The following SLC41A2 variants were observed in gnomAD, a reference collection of about 807,000 sequenced individuals.
SLC41A2 encodes SLC41A1-like 1.
A neutral mutation model predicts 58.3 loss-of-function variants in SLC41A2; 32 were observed. The ratio of observed to expected loss-of-function variants is 0.55; its 90% CI spans 0.41 to 0.74. The LOEUF is 0.74. SLC41A2 is among the 30% of genes least tolerant of loss of function. The pLI is 0.00. For missense variants in SLC41A2, 514 were observed against 680.6 expected, an observed-to-expected ratio of 0.76 and a Z score of 2.72; for synonymous variants, 190 against 235.0, an observed-to-expected ratio of 0.81 and a Z score of 1.75.
intron 2 of SLC41A2, among the ~76,000 whole-genome samples, chr12:104,911,898 G>T (rs906902841): frequency 6.6e-6 from 1 of 152,008 alleles, no homozygotes; most frequent in South Asian, 2.1e-4. Flanking sequence ...TTTTATGATG[G>T]GCTAACAATT....
intron 1 of SLC41A2, among the ~76,000 whole-genome samples, chr12:104,935,684 T>C (rs1391598579): frequency 2.0e-5 from 3 of 152,158 alleles, no homozygotes; most frequent in Admixed American, 6.6e-5. Flanking sequence ...CCTAACAACA[T>C]TGTGGTCAAG....
At chr12:104,840,973 C>A (rs1166785337) in intron 10 of SLC41A2, among the ~76,000 whole-genome samples, 2 of 152,018 alleles carry the variant, frequency 1.3e-5, no homozygotes, top group Non-Finnish European at 2.9e-5. Context: ...AAAAAAAAAT[C>A]TTATACTAAC....
intron 8 of SLC41A2, among the ~76,000 whole-genome samples, chr12:104,846,209 A>G (rs1565835990): frequency 6.6e-6 from 1 of 152,200 alleles, no homozygotes; most frequent in Non-Finnish European, 1.5e-5. Context: ...AGCAGACCAG[A>G]GCAGGTAATT....
intron 8 of SLC41A2, among the ~76,000 whole-genome samples, chr12:104,858,624 T>C (rs2043101551): frequency 6.6e-6 from 1 of 152,206 alleles, no homozygotes; most frequent in Non-Finnish European, 1.5e-5. Context: ...TCTCTATTAA[T>C]GTTTTTTAAA....
chr12:104,882,964 T>C (rs201132369), intron 6 of SLC41A2, among the ~76,000 whole-genome samples: 8,065 of 151,660 alleles, frequency 0.053, 282 homozygotes, highest in East Asian at 0.1. Flanking sequence ...ACCAATCAAA[T>C]GTAGATTTGG....
At chr12:104,943,895 T>G (rs1010424889) in intron 1 of SLC41A2, among the ~76,000 whole-genome samples, 4 of 152,038 alleles carry the variant, frequency 2.6e-5, no homozygotes, top group Non-Finnish European at 5.9e-5. Context: ...GGCAAAGAAA[T>G]AGCCAATCAT....
intron 8 of SLC41A2, among the ~76,000 whole-genome samples, chr12:104,854,581 A>C (rs893528633): frequency 1.3e-5 from 2 of 151,546 alleles, no homozygotes; most frequent in South Asian, 4.2e-4. Context: ...AAAAAAAAAA[A>C]AACACCGCCT....
chr12:104,802,006 T>C lies in SLC41A2; in HGVS notation c.*3146A>G, dbSNP rs975848792. Among the ~76,000 whole-genome samples the C allele has an allele frequency of 8.5e-5, 13 of 152,174 alleles. No homozygotes were observed. Among genetic ancestry groups the C allele is most frequent in the African/African-American group, 3.1e-4 (13 of 41,436 alleles). On this transcript the variant is annotated 3_prime_UTR_variant, in exon 11 of 11. Transcript: ENST00000258538. Reference sequence around the variant, plus strand: ...GAAGATGGCAGAACCCCGTTATAAATGGGTACACTATACCATAGATATAAG... The same window carrying C: ...GAAGATGGCAGAACCCCGTTATAAACGGGTACACTATACCATAGATATAAG...
chr12:104,914,006 G>C (rs1345472368), intron 2 of SLC41A2, among the ~76,000 whole-genome samples: 1 of 152,138 alleles, frequency 6.6e-6, no homozygotes, highest in African/African-American at 2.4e-5. Context: ...AAGTTGCAGT[G>C]AGCTGAGACG....
intron 10 of SLC41A2, among the ~76,000 whole-genome samples, chr12:104,834,414 G>A (rs1196957372): frequency 1.3e-5 from 2 of 151,998 alleles, no homozygotes; most frequent in African/African-American, 4.8e-5. Context: ...GGAACTATAG[G>A]CCCTCCCTTC....
intron 10 of SLC41A2, among the ~76,000 whole-genome samples, chr12:104,806,284 A>T (rs1210508055): frequency 6.7e-6 from 1 of 150,092 alleles, no homozygotes. Context: ...CTCATTGTTC[A>T]ATTCCCACCT....
intron 3 of SLC41A2, among the ~76,000 whole-genome samples, chr12:104,905,764 T>TC (rs1031249729): frequency 7.2e-5 from 11 of 152,154 alleles, no homozygotes; most frequent in African/African-American, 2.7e-4. Flanking sequence ...GGGTGCTAAG[T>TC]CCCCCATTGC....
intron 10 of SLC41A2, among the ~76,000 whole-genome samples, chr12:104,807,363 A>G (rs570896431): frequency 0.013 from 1,932 of 152,260 alleles, 52 homozygotes; most frequent in African/African-American, 0.044. Context: ...TTTGTCAAAG[A>G]TCAGATAGTT....
At chr12:104,821,215 A>G (rs2041624178) in intron 10 of SLC41A2, among the ~76,000 whole-genome samples, 1 of 152,154 alleles carries the variant, frequency 6.6e-6, no homozygotes, top group Non-Finnish European at 1.5e-5. Context: ...ATATATAGAG[A>G]GAGAGTTGGT....
intron 8 of SLC41A2, among the ~76,000 whole-genome samples, chr12:104,853,929 T>A (rs1176516741): frequency 7.2e-6 from 1 of 138,158 alleles, no homozygotes. Context: ...TTTTTTTTTT[T>A]TTTTTTTTTT....
intron 2 of SLC41A2, among the ~76,000 whole-genome samples, chr12:104,920,903 G>A (rs532388809): frequency 6.2e-4 from 94 of 151,788 alleles, no homozygotes; most frequent in African/African-American, 2.2e-3. Context: ...CAGCCTGGGT[G>A]ACAGAGCAAG....
rs115095084 is a variant in SLC41A2, at chr12:104,802,022, T to C, written c.*3130A>G. The stretch of plus-strand genomic sequence containing the variant: ...CGTTATAAATGGGTACACTATACCA[T>C]AGATATAAGGCAAGGAATCCCAATT... On this transcript the variant is annotated 3_prime_UTR_variant, in exon 11 of 11. Transcript: ENST00000258538. 0.013 allele frequency among the ~76,000 whole-genome samples: 1,927 copies of C among 152,252 alleles called. 52 individuals are homozygous for C. The highest frequency in any genetic ancestry group is 0.044 in the African/African-American group (1,832 of 41,532).
chr12:104,933,219 G>T (rs1290724984), intron 1 of SLC41A2, among the ~76,000 whole-genome samples: 1 of 152,070 alleles, frequency 6.6e-6, no homozygotes, highest in Non-Finnish European at 1.5e-5. Flanking sequence ...GTAGGCAAAT[G>T]ACATGAATAG....
At chr12:104,931,237 T>G (rs907511871) in intron 1 of SLC41A2, among the ~76,000 whole-genome samples, 2 of 152,254 alleles carry the variant, frequency 1.3e-5, no homozygotes, top group African/African-American at 4.8e-5. Flanking sequence ...TAGACAGATA[T>G]TTTTTGTTGT....
Sources: gnomAD v4.1 joint callset for allele counts (sites outside exome capture counted in the v4.1 genomes callset) on GRCh38, gnomAD v4.1.1 for gene constraint, MANE v1.5 for transcripts, NCBI Gene and HGNC (gene_info 2026-07-23, HGNC 2026-07-21) for gene names.